The following SLC44A1 variants were observed in gnomAD, a reference collection of about 807,000 sequenced individuals.
SLC44A1 encodes the protein solute carrier family 44 member 1, also known as choline transporter-like protein 1.
In SLC44A1, 26 loss-of-function variants were observed where a neutral mutation model predicts 79.3. The ratio of observed to expected loss-of-function variants is 0.33; its 90% CI spans 0.24 to 0.46. The LOEUF is 0.46. Among genes scored for constraint, SLC44A1 ranks in the 20% least tolerant of loss-of-function variants. SLC44A1 has a pLI of 1.00. For synonymous variants in SLC44A1, 263 were observed against 286.2 expected (o/e 0.92, Z 0.82); for missense variants, 688 against 798.1 (o/e 0.86, Z 1.66).
At chr9:105,259,376 A>G (rs1829789487) in intron 1 of SLC44A1, among the ~76,000 whole-genome samples, 1 of 152,202 alleles carries the variant, frequency 6.6e-6, no homozygotes, top group Non-Finnish European at 1.5e-5. Flanking sequence ...TGTTATTAAT[A>G]TTGAGTGCCA....
At chr9:105,407,160 C>T (rs1447031668) in intron 15 of SLC44A1, among the ~76,000 whole-genome samples, 2 of 152,066 alleles carry the variant, frequency 1.3e-5, no homozygotes, top group Admixed American at 6.5e-5. Flanking sequence ...CCAACATACA[C>T]AGAATGGGAG....
intron 5 of SLC44A1, among the ~76,000 whole-genome samples, chr9:105,348,960 G>A (rs1322731709): frequency 6.6e-6 from 1 of 152,072 alleles, no homozygotes; most frequent in Non-Finnish European, 1.5e-5. Flanking sequence ...CTTATCCAAG[G>A]TCTTCTTCAA....
chr9:105,374,668 T>G lies in SLC44A1; in HGVS notation c.1565T>G (p.Leu522Arg). ...CTSAKDAFVILVENALRVATI... is the reference protein window; with the variant it reads ...CTSAKDAFVIRVENALRVATI... ...TCAGCAAAGGATGCCTTTGTCATTCTGGTGGAGAATGCTTTGCGAGTGGCT... is the reference window on the plus strand; with the variant it reads ...TCAGCAAAGGATGCCTTTGTCATTCGGGTGGAGAATGCTTTGCGAGTGGCT... Residue 522 changes from leucine (L) to arginine (R), a missense_variant, in exon 13 of 16, where the codon CTG (leucine) becomes CGG (arginine). By Grantham distance (102) the Leu-to-Arg change is moderately radical. Coordinates refer to ENST00000374720, the MANE Select transcript of SLC44A1 (RefSeq NM_080546.5). The G allele has an allele frequency of 1.2e-6, 2 of 1,613,804 alleles. No individual in the cohort carries two copies. Among genetic ancestry groups the G allele is most frequent in the African/African-American group, 2.7e-5 (2 of 75,058 alleles).
At chr9:105,372,721 C>T (rs973800889) in intron 12 of SLC44A1, among the ~76,000 whole-genome samples, 3 of 148,192 alleles carry the variant, frequency 2.0e-5, no homozygotes, top group Non-Finnish European at 4.5e-5. Flanking sequence ...GAGGCCAAGG[C>T]GGGCGGATCA....
intron 1 of SLC44A1, among the ~76,000 whole-genome samples, chr9:105,298,045 T>C (rs561502992): frequency 6.6e-6 from 1 of 152,210 alleles, no homozygotes; most frequent in East Asian, 1.9e-4. Flanking sequence ...AGGGGGGTTA[T>C]TTCAGTTAGA....
At chr9:105,320,749 A>C (rs945879718) in intron 3 of SLC44A1, among the ~76,000 whole-genome samples, 1 of 152,100 alleles carries the variant, frequency 6.6e-6, no homozygotes, top group African/African-American at 2.4e-5. Context: ...GTCACCATGC[A>C]TGTCTCTGTT....
intron 15 of SLC44A1, among the ~76,000 whole-genome samples, chr9:105,422,281 CTTTTTTTTTTTT>C (rs554922812): frequency 2.1e-5 from 2 of 95,908 alleles, no homozygotes; most frequent in Non-Finnish European, 3.9e-5. Context: ...CTGCTCCATC[CTTTTTTTTTTTT>C]TTTTTTTTTT....
chr9:105,350,900 G>A (rs1827385079), intron 5 of SLC44A1, among the ~76,000 whole-genome samples: 1 of 152,140 alleles, frequency 6.6e-6, no homozygotes, highest in African/African-American at 2.4e-5. Context: ...TTAGAGAAAA[G>A]CAATTGTAAA....
chr9:105,325,372 C>T (rs1429406580), intron 3 of SLC44A1, among the ~76,000 whole-genome samples: 1 of 152,200 alleles, frequency 6.6e-6, no homozygotes. Context: ...GATGTATTCA[C>T]TCGTTTTCTG....
chr9:105,351,633 A>AGAAAGAAAGAAAGAAC (rs1827440234), intron 5 of SLC44A1, among the ~76,000 whole-genome samples: 2 of 2,398 alleles, frequency 8.3e-4, no homozygotes, highest in South Asian at 0.036. Flanking sequence ...AGAGAGAAAG[A>AGAAAGAAAGAAAGAAC]GAAAGAAAGA....
At position 105,434,717 on chromosome 9, in the gene SLC44A1, A is replaced by T. The variant is rs75301460; in HGVS notation, c.1951-3564A>T. ...AGTCACTCATTGGATGAGCTAGATT[A>T]TGCCGTGAGTTTTCATGTTCAAGGA... On this transcript the variant is annotated intron_variant, in intron 15 of 15. Transcript: ENST00000374724. Among the ~76,000 whole-genome samples, 6 of 152,360 alleles carry T rather than the reference A, an allele frequency of 3.9e-5. No homozygotes were observed. In the South Asian group the frequency reaches 1.2e-3, roughly 32 times the overall value.
At chr9:105,339,393 C>A (rs1827020129) in intron 4 of SLC44A1, among the ~76,000 whole-genome samples, 1 of 152,182 alleles carries the variant, frequency 6.6e-6, no homozygotes, top group Non-Finnish European at 1.5e-5. Flanking sequence ...ATACAGCAGT[C>A]CCACTTCTGA....
chr9:105,383,099 T>G, intron 13 of SLC44A1, 24 bp from the exon 14 acceptor site: 82 of 1,522,334 alleles, frequency 5.4e-5, no homozygotes, highest in Non-Finnish European at 6.8e-5. Context: ...ATATTAAATA[T>G]GATCTTTGTT....
chr9:105,302,505 A>G (rs1830905892), intron 2 of SLC44A1, among the ~76,000 whole-genome samples: 2 of 151,882 alleles, frequency 1.3e-5, no homozygotes, highest in South Asian at 4.2e-4. Flanking sequence ...GGCACCCAGC[A>G]CCACTCTTGG....
intron 4 of SLC44A1, among the ~76,000 whole-genome samples, chr9:105,337,791 T>A (rs1169952580): frequency 1.3e-5 from 2 of 152,158 alleles, no homozygotes; most frequent in African/African-American, 2.4e-5. Context: ...TGTGGCCTGC[T>A]GAGATGTTCA....
chr9:105,262,580 G>A lies in SLC44A1; in HGVS notation c.36+17676G>A, dbSNP rs543950889. 3.5e-4 allele frequency among the ~76,000 whole-genome samples: 54 copies of A among 152,288 alleles called. No individual in the cohort carries two copies. In the South Asian group the frequency reaches 1.0e-2, roughly 28 times the overall value. ...CTGTCGTTGTTGACTAACCTATGGT[G>A]GCTCTTTTGTTGCTCTTATGTGTTT... On this transcript the variant is annotated intron_variant, in intron 1 of 15. Coordinates refer to ENST00000374720, the MANE Select transcript of SLC44A1 (RefSeq NM_080546.5).
chr9:105,377,490 C>T (rs1256122090), intron 13 of SLC44A1, among the ~76,000 whole-genome samples: 2 of 151,918 alleles, frequency 1.3e-5, no homozygotes, highest in Admixed American at 6.6e-5. Context: ...GTGGCTCATG[C>T]CTATAATCCC....
In SLC44A1 at chr9:105,396,201, C is replaced by T; in HGVS notation, c.*7145C>T. 1 of 985,004 alleles carries T rather than the reference C, an allele frequency of 1.0e-6. No individual in the cohort carries two copies. The highest frequency in any genetic ancestry group is 1.2e-6 in the Non-Finnish European group (1 of 829,642). 61.0% of individuals were successfully genotyped at this position (985,004 alleles called of 1,614,324 possible). A position where few individuals can be genotyped will look rare whatever the true frequency, so the allele number is the denominator to read the frequency against. Reference sequence around the variant, plus strand: ...CTTCCCTATAAAAAGATACTGAGAGCTCCATAATGAAAGAAGTTGTTATAC... The same window carrying T: ...CTTCCCTATAAAAAGATACTGAGAGTTCCATAATGAAAGAAGTTGTTATAC... On this transcript the variant is annotated 3_prime_UTR_variant, in exon 16 of 16. Transcript: ENST00000374720.
chr9:105,402,547 G>C (rs144197039), intron 15 of SLC44A1, among the ~76,000 whole-genome samples: 25 of 152,270 alleles, frequency 1.6e-4, no homozygotes, highest in African/African-American at 5.5e-4. Flanking sequence ...TGTAGTGATA[G>C]GAAGGAGTCC....
Sources: allele counts gnomAD v4.1 joint callset (sites outside exome capture counted in the v4.1 genomes callset), GRCh38; gene constraint gnomAD v4.1.1; transcripts MANE v1.5; gene names NCBI Gene and HGNC (gene_info 2026-07-23, HGNC 2026-07-21).